P2RX5: variants seen among roughly 807,000 people sequenced by gnomAD.
P2RX5 encodes purinergic receptor P2X 5, also known as P2X purinoceptor 5.
P2RX5 carries 46 observed loss-of-function variants against 54.1 expected under a neutral mutation model. That is an observed-to-expected ratio of 0.85 (90% CI 0.67 to 1.09). P2RX5 has a LOEUF of 1.09. Ranked by LOEUF, P2RX5 falls within the 50% of genes least tolerant of loss-of-function variation. The pLI, the probability that P2RX5 is intolerant of heterozygous loss-of-function variation, is 0.00. For synonymous variants in P2RX5, 226 were observed against 226.4 expected (o/e 1.00, Z 0.02); for missense variants, 566 against 549.8 (o/e 1.03, Z -0.29).
At chr17:3,675,713 C>T (rs1296734410) in intron 11 of P2RX5, 51 of 603,538 alleles carry the variant, frequency 8.5e-5, no homozygotes, top group Admixed American at 2.5e-4. Flanking sequence ...ACACCATGCC[C>T]GGCTAATTTT....
intron 3 of P2RX5, 137 bp from the exon 4 acceptor site, chr17:3,690,817 T>C: frequency 8.8e-7 from 1 of 1,135,760 alleles, no homozygotes; most frequent in Non-Finnish European, 1.3e-6. Context: ...CCCCATATAA[T>C]GCAGGAACCA....
chr17:3,719,763 T>C, the P2RX5 span, among the ~76,000 whole-genome samples: 10 of 141,970 alleles, frequency 7.0e-5, no homozygotes, highest in African/African-American at 3.1e-4. Context: ...AGTCTCACTC[T>C]ATCACTGAGG....
chr17:3,718,954 G>A, the P2RX5 span, among the ~76,000 whole-genome samples: 1,034 of 152,138 alleles, frequency 6.8e-3, 7 homozygotes, highest in Middle Eastern at 0.031. Flanking sequence ...CTACTTAGCC[G>A]GACATGGTGG....
chr17:3,692,181 GTGGTGGGCGC>G (rs1456968498), intron 1 of P2RX5, among the ~76,000 whole-genome samples: 1 of 151,924 alleles, frequency 6.6e-6, no homozygotes, highest in Non-Finnish European at 1.5e-5. Context: ...GCCAGGCGTG[GTGGTGGGCGC>G]CTGTAGTCCC....
At chr17:3,693,830 C>CTT (rs758536424) in intron 1 of P2RX5, among the ~76,000 whole-genome samples, 59 of 147,000 alleles carry the variant, frequency 4.0e-4, no homozygotes, top group African/African-American at 1.3e-3. Flanking sequence ...CATTCTTCTT[C>CTT]TTTTTTTTTT....
intron 9 of P2RX5, among the ~76,000 whole-genome samples, chr17:3,684,666 A>G (rs1301253822): frequency 6.6e-6 from 1 of 152,124 alleles, no homozygotes; most frequent in African/African-American, 2.4e-5. Flanking sequence ...GAAATATGAA[A>G]TAGAAAACAA....
At chr17:3,707,744 C>T in the P2RX5 span, among the ~76,000 whole-genome samples, 2 of 152,024 alleles carry the variant, frequency 1.3e-5, no homozygotes, top group East Asian at 1.9e-4. Context: ...CAACTGGCTG[C>T]GGGGTCCTAG....
chr17:3,679,249 T>G lies in P2RX5; in HGVS notation c.1259+341A>C, dbSNP rs184915711. Among the ~76,000 whole-genome samples the G allele has an allele frequency of 2.4e-3, 362 of 152,318 alleles. 3 individuals are homozygous for G. The highest frequency in any genetic ancestry group is 0.017 in the Middle Eastern group (5 of 294). Reference sequence around the variant, plus strand: ...AAAATGGGGAAGATCGGTGTCTATCTGATTCAGTTGCTTACATGAGTTAAC... The same window carrying G: ...AAAATGGGGAAGATCGGTGTCTATCGGATTCAGTTGCTTACATGAGTTAAC... On this transcript the variant is annotated intron_variant, in intron 11 of 11. Coordinates refer to ENST00000225328, the MANE Select transcript of P2RX5 (RefSeq NM_002561.4).
chr17:3,692,006 C>T, intron 1 of P2RX5: 1 of 587,572 alleles, frequency 1.7e-6, no homozygotes, highest in Non-Finnish European at 3.0e-6. Context: ...CGACAAGCAA[C>T]CCTAGAGATG....
At chr17:3,710,755 C>G in the P2RX5 span, among the ~76,000 whole-genome samples, 484 of 151,910 alleles carry the variant, frequency 3.2e-3, 5 homozygotes, top group African/African-American at 0.011. Flanking sequence ...TGGTGAAACC[C>G]CATCTCTACT....
At chr17:3,717,441 A>C in the P2RX5 span, 1 of 152,202 alleles carries the variant, frequency 6.6e-6, no homozygotes, top group East Asian at 1.9e-4. Context: ...TGTTTTCCAA[A>C]GGCTCTCCCA....
chr17:3,693,373 G>A (rs2050671232), intron 1 of P2RX5, among the ~76,000 whole-genome samples: 1 of 152,194 alleles, frequency 6.6e-6, no homozygotes, highest in Admixed American at 6.5e-5. Flanking sequence ...AGTTATGGTA[G>A]AAAACAGTTT....
chr17:3,692,047 C>A, intron 1 of P2RX5: 1 of 520,300 alleles, frequency 1.9e-6, no homozygotes, highest in Non-Finnish European at 3.5e-6. Context: ...ACCAGCCGGG[C>A]GCAGTGGCTC....
chr17:3,688,676 G>A lies in P2RX5; in HGVS notation c.837C>T (p.Ser279=). 6.2e-7 allele frequency: 1 copy of A among 1,613,898 alleles called. No individual in the cohort carries two copies. The highest frequency in any genetic ancestry group is 8.5e-7 in the Non-Finnish European group (1 of 1,179,824). ...ACTTTGAAAGTTTATTGTCCAGACG[G>A]CTAAAAGAATAGTGAGGGTGGCACT... The part of the protein sequence containing the change: ...ASECHPHYSF[S]RLDNKLSKSV... Residue 279 remains serine, a synonymous_variant, in exon 8 of 12, where the codon AGC becomes AGT. Coordinates refer to ENST00000225328, the MANE Select transcript of P2RX5 (RefSeq NM_002561.4).
chr17:3,712,959 C>T, the P2RX5 span, among the ~76,000 whole-genome samples: 1 of 151,792 alleles, frequency 6.6e-6, no homozygotes, highest in African/African-American at 2.4e-5. Flanking sequence ...AACAAAACCA[C>T]AGTTCAGTAA....
At chr17:3,723,752 G>A in the P2RX5 span, 4 of 1,606,944 alleles carry the variant, frequency 2.5e-6, no homozygotes, top group South Asian at 1.1e-5. Flanking sequence ...GGCCTGAAAC[G>A]AGAGCCATGA....
chr17:3,717,524 G>C, the P2RX5 span: 1 of 152,182 alleles, frequency 6.6e-6, no homozygotes, highest in Admixed American at 6.5e-5. Flanking sequence ...CTGAGACCCA[G>C]GTATGGCCCT....
At chr17:3,688,351 C>G (rs1394137603) in intron 8 of P2RX5, among the ~76,000 whole-genome samples, 1 of 152,214 alleles carries the variant, frequency 6.6e-6, no homozygotes, top group East Asian at 1.9e-4. Context: ...ACCCTTGGGT[C>G]GCCAAAGCGC....
upstream of P2RX5, among the ~76,000 whole-genome samples, chr17:3,698,201 G>T (rs2134633): frequency 0.26 from 39,344 of 151,900 alleles, 5,757 homozygotes; most frequent in Non-Finnish European, 0.33. Flanking sequence ...AGCCGCCACC[G>T]AGTGACATCA....
Sources: gnomAD v4.1 joint callset for allele counts (sites outside exome capture counted in the v4.1 genomes callset) on GRCh38, gnomAD v4.1.1 for gene constraint, MANE v1.5 for transcripts, NCBI Gene and HGNC (gene_info 2026-07-23, HGNC 2026-07-21) for gene names.